The following RNMT variants were observed in gnomAD, a reference collection of about 807,000 sequenced individuals.
The protein encoded by RNMT is mRNA cap guanine-N(7) methyltransferase.
Under a neutral mutation model 56.0 loss-of-function variants are expected in RNMT, and 27 were observed. The observed-to-expected ratio is 0.48, with a 90% CI of 0.36 to 0.67. RNMT has a LOEUF of 0.67. Among genes scored for constraint, RNMT ranks in the 30% least tolerant of loss-of-function variants. The pLI is 0.00. For synonymous variants in RNMT, 184 were observed against 176.2 expected, an observed-to-expected ratio of 1.04 and a Z score of -0.35; for missense variants, 519 against 552.1, an observed-to-expected ratio of 0.94 and a Z score of 0.60.
chr18:13,744,544 G>A (rs557745357), intron 8 of RNMT, among the ~76,000 whole-genome samples: 90 of 152,076 alleles, frequency 5.9e-4, no homozygotes, highest in Middle Eastern at 3.4e-3. Context: ...TGAACTGCCT[G>A]GAATAAAAAA....
Position 13,761,431 on chromosome 18 carries a change from C to T in RNMT, c.*1452C>T, listed in dbSNP as rs191728960. The T allele has an allele frequency of 8.1e-6, 8 of 985,594 alleles. No individual in the cohort carries two copies. In the East Asian group the frequency reaches 7.9e-4, roughly 98 times the overall value. The allele number at this position is 985,594 out of a possible 1,614,324, so 61.1% of individuals were successfully genotyped here. On this transcript the variant is annotated 3_prime_UTR_variant, in exon 12 of 12. Coordinates refer to ENST00000383314, the MANE Select transcript of RNMT (RefSeq NM_003799.3). ...GTTCGTTTTCATTCTAGGGCAGTGC[C>T]AGGAAGTATATTGATAGCTTTGTAG...
intron 1 of RNMT, among the ~76,000 whole-genome samples, chr18:13,729,789 A>T (rs564343379): frequency 6.8e-6 from 1 of 147,248 alleles, no homozygotes; most frequent in African/African-American, 2.5e-5. Flanking sequence ...AAGCACAAAC[A>T]CTTCCTTCAT....
In RNMT at chr18:13,741,533, T is replaced by C. The variant is rs772073158; in HGVS notation, c.816T>C (p.Arg272=). 26 of 1,611,822 alleles carry C rather than the reference T, an allele frequency of 1.6e-5. No homozygotes were observed. The highest frequency in any genetic ancestry group is 2.0e-5 in the Non-Finnish European group (23 of 1,179,212). Residue 272 remains arginine, a synonymous_variant, in exon 7 of 12, where the codon CGT becomes CGC. Coordinates refer to ENST00000383314, the MANE Select transcript of RNMT (RefSeq NM_003799.3). ...SSKELLIDKF[R]DPQMCFDICS... ...AGGAACTTCTGATTGACAAATTTCG[T>C]GACCCACAAATGTGTTTTGACATCT...
At chr18:13,728,833 C>CT (rs951211682) in intron 1 of RNMT, among the ~76,000 whole-genome samples, 114 of 151,044 alleles carry the variant, frequency 7.5e-4, no homozygotes, top group Middle Eastern at 6.8e-3. Flanking sequence ...AGGATTGCTT[C>CT]TTTTTTTTTG....
chr18:13,735,578 T>C (rs1042736502), intron 4 of RNMT, among the ~76,000 whole-genome samples: 6 of 151,370 alleles, frequency 4.0e-5, no homozygotes, highest in Non-Finnish European at 1.5e-5. Flanking sequence ...ACCCCAGTCC[T>C]AATTTCTTTT....
chr18:13,745,720 C>T (rs1786610861), intron 8 of RNMT, among the ~76,000 whole-genome samples: 1 of 150,414 alleles, frequency 6.6e-6, no homozygotes, highest in Non-Finnish European at 1.5e-5. Context: ...TCTACAGAAC[C>T]TTGAAGTTTA....
Position 13,741,672 on chromosome 18 carries a change from C to A in RNMT, c.955C>A (p.Pro319Thr), listed in dbSNP as rs2044254044. The change falls in exon 7 of 12, where the codon CCC becomes ACC. Residue 319 changes from proline (P) to threonine (T), a missense_variant. Transcript: ENST00000383314. ...SPGGYFIGTT[P>T]NSFELIRRLE... ...TGGGGGCTATTTTATTGGTACTACTCCCAATAGCTTTGAATTGATGTAAGT... is the reference window on the plus strand; with the variant it reads ...TGGGGGCTATTTTATTGGTACTACTACCAATAGCTTTGAATTGATGTAAGT... The A allele has an allele frequency of 1.9e-6, 3 of 1,605,366 alleles. No individual in the cohort carries two copies. The highest frequency in any genetic ancestry group is 2.6e-6 in the Non-Finnish European group (3 of 1,174,856).
chr18:13,754,058 A>G (rs1264743216), intron 10 of RNMT, 56 bp from the exon 11 acceptor site: 2 of 946,948 alleles, frequency 2.1e-6, no homozygotes, highest in African/African-American at 1.6e-5. Flanking sequence ...AGAAATAAGC[A>G]TATGTTTACT....
chr18:13,739,503 T>G (rs1212765373), intron 5 of RNMT, among the ~76,000 whole-genome samples: 1 of 152,154 alleles, frequency 6.6e-6, no homozygotes, highest in Non-Finnish European at 1.5e-5. Flanking sequence ...AAGGGCAGGC[T>G]GGGCACAGTG....
At position 13,760,693 on chromosome 18, in the gene RNMT, CCTTT is replaced by C. The variant is rs1452127493; in HGVS notation, c.*718_*721del. On this transcript the variant is annotated 3_prime_UTR_variant, in exon 12 of 12. Coordinates refer to ENST00000383314, the MANE Select transcript of RNMT (RefSeq NM_003799.3). Reference sequence around the variant, plus strand: ...TCAAGATTGTGATTAGACACATTTACCTTTCTTCATTGAACAAATGGTGCCATAG... The same window carrying C: ...TCAAGATTGTGATTAGACACATTTACCTTCATTGAACAAATGGTGCCATAG... 1.0e-6 allele frequency: 1 copy of C among 985,096 alleles called. No individual in the cohort carries two copies. The highest frequency in any genetic ancestry group is 1.7e-5 in the African/African-American group (1 of 57,224). 61.0% of individuals were successfully genotyped at this position (985,096 alleles called of 1,614,324 possible).
intron 5 of RNMT, among the ~76,000 whole-genome samples, 199 bp from the exon 6 acceptor site, chr18:13,739,968 T>C (rs1367301358): frequency 6.6e-6 from 1 of 151,958 alleles, no homozygotes; most frequent in Non-Finnish European, 1.5e-5. Context: ...TCCGTACCTA[T>C]TGAGACGCTT....
At chr18:13,741,815 G>A (rs1475229166) in intron 7 of RNMT, 124 bp downstream of exon 7, 3 of 588,996 alleles carry the variant, frequency 5.1e-6, no homozygotes, top group Non-Finnish European at 8.4e-6. Context: ...ACTTTCATAA[G>A]ATATTTGAGT....
chr18:13,753,948 C>T (rs1314112132), intron 10 of RNMT, among the ~76,000 whole-genome samples, 166 bp from the exon 11 acceptor site: 1 of 151,576 alleles, frequency 6.6e-6, no homozygotes, highest in African/African-American at 2.4e-5. Flanking sequence ...TGAATCTCAC[C>T]GATTTCTTTT....
intron 8 of RNMT, among the ~76,000 whole-genome samples, chr18:13,744,375 A>G (rs1319447763): frequency 6.6e-6 from 1 of 152,036 alleles, no homozygotes; most frequent in African/African-American, 2.4e-5. Flanking sequence ...ACTTATTCAA[A>G]TTGGGCCTCA....
chr18:13,740,061 A>G, intron 5 of RNMT, 106 bp from the exon 6 acceptor site: 1 of 692,628 alleles, frequency 1.4e-6, no homozygotes, highest in Non-Finnish European at 2.5e-6. Context: ...AAACCTTTTC[A>G]CTGGTACTAA....
rs1157620729 is a variant in RNMT at position 13,760,125 on chromosome 18, A to G, written c.*146A>G. On this transcript the variant is annotated 3_prime_UTR_variant, in exon 12 of 12. Coordinates refer to ENST00000383314, the MANE Select transcript of RNMT (RefSeq NM_003799.3). Reference sequence around the variant, plus strand: ...CCAGAAACTCCAATGTAGAAATTCAACATTTGCTGTCTGTGACAGATGAAC... The same window carrying G: ...CCAGAAACTCCAATGTAGAAATTCAGCATTTGCTGTCTGTGACAGATGAAC... 18 of 1,390,806 alleles carry G rather than the reference A, an allele frequency of 1.3e-5. No homozygotes were observed. Among genetic ancestry groups the G allele is most frequent in the South Asian group, 1.8e-5 (1 of 55,456 alleles). 86.2% of individuals were successfully genotyped at this position (1,390,806 alleles called of 1,614,324 possible).
At position 13,731,538 on chromosome 18, in the gene RNMT, A is replaced by G. The variant is rs779724367; in HGVS notation, c.21A>G (p.Ala7=). 6.3e-7 allele frequency: 1 copy of G among 1,595,254 alleles called. No individual in the cohort carries two copies. Among genetic ancestry groups the G allele is most frequent in the African/African-American group, 1.4e-5 (1 of 73,744 alleles). Residue 7 remains alanine, a synonymous_variant, in exon 3 of 12, where the codon GCA becomes GCG. Coordinates refer to ENST00000383314, the MANE Select transcript of RNMT (RefSeq NM_003799.3). ...CATAAATGGCAAATTCTGCAAAAGC[A>G]GAAGAATATGAAAAGATGTCTCTTG... The part of the protein sequence containing the change: MANSAK[A]EEYEKMSLEQ...
At chr18:13,735,521 A>G (rs1273720269) in intron 4 of RNMT, among the ~76,000 whole-genome samples, 3 of 141,942 alleles carry the variant, frequency 2.1e-5, no homozygotes, top group South Asian at 4.3e-4. Flanking sequence ...TTTTTTTAAG[A>G]TTAACGTAAT....
At chr18:13,752,791 A>T (rs1454495897) in intron 10 of RNMT, among the ~76,000 whole-genome samples, 1 of 152,262 alleles carries the variant, frequency 6.6e-6, no homozygotes, top group East Asian at 1.9e-4. Flanking sequence ...ATTTCTGCGT[A>T]AAAGTTTACA....
Sources: gnomAD v4.1 joint callset for allele counts (sites outside exome capture counted in the v4.1 genomes callset) on GRCh38, gnomAD v4.1.1 for gene constraint, MANE v1.5 for transcripts, NCBI Gene and HGNC (gene_info 2026-07-23, HGNC 2026-07-21) for gene names.